The following ODF2 variants were observed in gnomAD, a reference collection of about 807,000 sequenced individuals.
ODF2 encodes outer dense fiber of sperm tails 2, also known as outer dense fiber protein 2.
A neutral mutation model predicts 110.2 loss-of-function variants in ODF2; 47 were observed. The observed-to-expected ratio is 0.43, with a 90% CI of 0.34 to 0.54. ODF2 has a LOEUF of 0.54. Ranked by LOEUF, ODF2 falls within the 20% of genes least tolerant of loss-of-function variation. ODF2 has a pLI of 0.03. For missense variants in ODF2, 812 were observed against 1,054.5 expected, an observed-to-expected ratio of 0.77 and a Z score of 3.19; for synonymous variants, 352 against 397.7, an observed-to-expected ratio of 0.89 and a Z score of 1.37.
intron 4 of ODF2, among the ~76,000 whole-genome samples, chr9:128,462,636 G>A (rs1588718576): frequency 6.8e-6 from 1 of 146,116 alleles, no homozygotes; most frequent in South Asian, 2.2e-4. Flanking sequence ...GTCTCGCTCT[G>A]TCACCCAGGC....
chr9:128,493,469 G>T (rs1016343348), intron 16 of ODF2, among the ~76,000 whole-genome samples: 3 of 152,192 alleles, frequency 2.0e-5, no homozygotes, highest in Non-Finnish European at 2.9e-5. Flanking sequence ...CAGGTCTTTG[G>T]CATGCCTATT....
At chr9:128,466,644 CATATAT>C (rs10591401) in intron 4 of ODF2, among the ~76,000 whole-genome samples, 3 of 142,720 alleles carry the variant, frequency 2.1e-5, no homozygotes, top group South Asian at 2.2e-4. Context: ...CACACTTTCC[CATATAT>C]ATATATATAT....
chr9:128,482,171 C>G (rs1588903701), intron 9 of ODF2, among the ~76,000 whole-genome samples: 3 of 152,250 alleles, frequency 2.0e-5, no homozygotes, highest in Admixed American at 2.0e-4. Flanking sequence ...TCTTTCAAGA[C>G]TTTTTTGGAG....
chr9:128,471,953 C>T (rs1227719306), intron 6 of ODF2, among the ~76,000 whole-genome samples: 2 of 152,048 alleles, frequency 1.3e-5, no homozygotes, highest in Non-Finnish European at 2.9e-5. Context: ...GCATTGAGGG[C>T]ATTTGGAAGC....
At position 128,494,743 on chromosome 9, in the gene ODF2, C is replaced by T; in HGVS notation, c.1911+75C>T. ...GCATACCAAGATGAGCTGCACGCCC[C>T]CCAAGGGAGGACTACTTCCTTTTTC... On this transcript the variant is annotated intron_variant, in intron 17 of 20. Transcript: ENST00000604420. This position sits in a 1 kb window ranked among gnomAD's most constrained non-coding sequence, Gnocchi z 4.6. The T allele has an allele frequency of 6.2e-7, 1 of 1,613,446 alleles. No individual in the cohort carries two copies. Among genetic ancestry groups the T allele is most frequent in the Non-Finnish European group, 8.5e-7 (1 of 1,179,812 alleles).
chr9:128,460,398 C>T (rs1836119221), intron 3 of ODF2, 152 bp from the exon 3 acceptor site: 2 of 1,434,584 alleles, frequency 1.4e-6, no homozygotes, highest in East Asian at 2.5e-5. Flanking sequence ...TCCCGCCTTA[C>T]TCCCTGCCTG....
At chr9:128,473,186 C>A in intron 7 of ODF2, 144 bp downstream of exon 7, 1 of 1,461,998 alleles carries the variant, frequency 6.8e-7, no homozygotes, top group South Asian at 1.4e-5. Context: ...AGGCCCCCAC[C>A]CACCACTCTC....
chr9:128,469,568 G>A, intron 5 of ODF2: 1 of 569,016 alleles, frequency 1.8e-6, no homozygotes, highest in Non-Finnish European at 3.1e-6. Flanking sequence ...GCATGTAGCT[G>A]TCCTGGTGCT....
upstream of ODF2, chr9:128,455,941 C>G (rs1363654187): frequency 7.1e-7 from 1 of 1,403,446 alleles, no homozygotes; most frequent in South Asian, 1.6e-5. Flanking sequence ...CCCGGCCAGG[C>G]CCGCTGGACG....
At chr9:128,471,614 A>C in intron 6 of ODF2, 146 bp downstream of exon 6, 2 of 642,678 alleles carry the variant, frequency 3.1e-6, no homozygotes, top group Non-Finnish European at 5.3e-6. Flanking sequence ...CACACAATTA[A>C]TTACAGTTAA....
At chr9:128,471,952 G>A (rs1263611047) in intron 6 of ODF2, among the ~76,000 whole-genome samples, 1 of 152,164 alleles carries the variant, frequency 6.6e-6, no homozygotes, top group Admixed American at 6.6e-5. Flanking sequence ...TGCATTGAGG[G>A]CATTTGGAAG....
At chr9:128,470,853 TA>T (rs1355132839) in intron 5 of ODF2, among the ~76,000 whole-genome samples, 1 of 151,844 alleles carries the variant, frequency 6.6e-6, no homozygotes, top group African/African-American at 2.4e-5. Context: ...ATTGCACCCA[TA>T]AGGCCCTGGC....
chr9:128,456,998 C>T (rs973521242), intron 1 of ODF2: 2 of 1,254,478 alleles, frequency 1.6e-6, no homozygotes, highest in African/African-American at 1.5e-5. Context: ...CTCTGGGGCC[C>T]ACTTGGGGCC....
chr9:128,469,149 C>G, intron 4 of ODF2, 34 bp from the exon 5 acceptor site: 1 of 1,603,338 alleles, frequency 6.2e-7, no homozygotes, highest in Non-Finnish European at 8.5e-7. Context: ...GTTCTGCCTT[C>G]TGAGTTCATG....
exon 2 of ODF2, chr9:128,457,205 G>T: frequency 6.0e-6 from 9 of 1,506,048 alleles, no homozygotes; most frequent in Admixed American, 1.9e-5. Context: ...CAGGACAGTT[G>T]CTGTGCGACT....
chr9:128,490,189 A>G (rs190601923), intron 14 of ODF2, among the ~76,000 whole-genome samples: 31 of 152,160 alleles, frequency 2.0e-4, no homozygotes, highest in African/African-American at 5.5e-4. Context: ...AAAGCCAACA[A>G]CTATTTAGGG....
intron 8 of ODF2, among the ~76,000 whole-genome samples, chr9:128,480,229 ATACTT>A (rs1486134283): frequency 6.6e-6 from 1 of 152,234 alleles, no homozygotes; most frequent in Non-Finnish European, 1.5e-5. Flanking sequence ...ATTTAATTGT[ATACTT>A]TATTTTTTCT....
At chr9:128,457,165 C>G (rs1301589465) in intron 1 of ODF2, 3 of 1,505,022 alleles carry the variant, frequency 2.0e-6, no homozygotes, top group African/African-American at 2.8e-5. Context: ...CCCCAGGTCG[C>G]TCAGCCTCTA....
At chr9:128,463,629 T>C (rs116632662) in intron 4 of ODF2, among the ~76,000 whole-genome samples, 2,298 of 152,200 alleles carry the variant, frequency 0.015, 48 homozygotes, top group African/African-American at 0.052. Flanking sequence ...TGCATGATAA[T>C]GAAGCATGGA....
Sources: gnomAD v4.1 joint callset for allele counts (sites outside exome capture counted in the v4.1 genomes callset) on GRCh38, gnomAD v4.1.1 for gene constraint, Gnocchi (gnomAD v3.1) non-coding constraint, MANE v1.5 for transcripts, NCBI Gene and HGNC (gene_info 2026-07-23, HGNC 2026-07-21) for gene names.